The following DCX variants were observed in gnomAD, a reference collection of about 807,000 sequenced individuals.
DCX encodes the protein neuronal migration protein doublecortin.
Under a neutral mutation model 20.9 loss-of-function variants are expected in DCX, and 4 were observed. The ratio of observed to expected loss-of-function variants is 0.19; its 90% CI spans 0.09 to 0.44. The LOEUF is 0.44. Ranked by LOEUF, DCX falls within the 20% of genes least tolerant of loss-of-function variation. DCX has a pLI of 0.99. For missense variants in DCX, 133 were observed against 296.9 expected, an observed-to-expected ratio of 0.45 and a Z score of 4.06; for synonymous variants, 103 against 111.4, an observed-to-expected ratio of 0.92 and a Z score of 0.47.
chrX:111,407,799 TACGC>T (rs1928316702), intron 2 of DCX, among the ~76,000 whole-genome samples: 1 of 53,788 alleles, frequency 1.9e-5, no homozygotes, highest in African/African-American at 6.2e-5. Flanking sequence ...GATACATCAA[TACGC>T]ACACACACAC....
intron 3 of DCX, among the ~76,000 whole-genome samples, chrX:111,387,684 C>A (rs963297084): frequency 2.7e-5 from 3 of 111,707 alleles, no homozygotes; most frequent in Non-Finnish European, 5.6e-5. Context: ...GTGAGTAAGA[C>A]CAGAAATGTT....
intron 2 of DCX, 82 bp from the exon 3 acceptor site, chrX:111,401,412 AC>A (rs1927783941): frequency 1.1e-6 from 1 of 872,476 alleles, no homozygotes; most frequent in Non-Finnish European, 1.7e-6. Flanking sequence ...ACACACTGAC[AC>A]TGGAGTAGAA....
At position 111,295,513 on chromosome X, in the gene DCX, G is replaced by C. The variant is rs1202343432; in HGVS notation, c.*6174C>G. On this transcript the variant is annotated 3_prime_UTR_variant, in exon 7 of 7. Transcript: ENST00000636035. ...GCCCCAAACAAGATTATTATAGAGA[G>C]TTTAATGTGTAATGGTAAAACTTTA... 1 of 112,148 alleles carries C rather than the reference G, an allele frequency of 8.9e-6. No homozygotes were observed. The highest frequency in any genetic ancestry group is 2.8e-4 in the East Asian group (1 of 3,595). 9.2% of individuals were successfully genotyped at this position (112,148 alleles called of 1,213,427 possible).
chrX:111,385,789 G>GAAGC (rs1926429487), intron 3 of DCX, among the ~76,000 whole-genome samples: 1 of 41,500 alleles, frequency 2.4e-5, no homozygotes, highest in African/African-American at 1.3e-4. Flanking sequence ...GGGAGGGAAG[G>GAAGC]AAGGAAGGAA....
chrX:111,402,810 TGTGTGTGTGTGC>T (rs1334963857), intron 2 of DCX, among the ~76,000 whole-genome samples: 3 of 49,103 alleles, frequency 6.1e-5, no homozygotes, highest in South Asian at 1.3e-3. Flanking sequence ...TGTGTGTGTG[TGTGTGTGTGTGC>T]GGAGGGGGAG....
intron 5 of DCX, 122 bp downstream of exon 5, chrX:111,330,782 T>C: frequency 9.8e-7 from 1 of 1,022,081 alleles, no homozygotes; most frequent in Non-Finnish European, 1.4e-6. Context: ...AGTCCCTGAA[T>C]TGATAGAATA....
At chrX:111,315,138 A>G (rs1421089940) in intron 5 of DCX, among the ~76,000 whole-genome samples, 2 of 109,192 alleles carry the variant, frequency 1.8e-5, no homozygotes, top group African/African-American at 6.9e-5. Context: ...TGATTTTTGT[A>G]TAAGGTGTAA....
At chrX:111,320,843 A>T (rs6642887) in intron 5 of DCX, among the ~76,000 whole-genome samples, 364 of 104,778 alleles carry the variant, frequency 3.5e-3, no homozygotes, top group Admixed American at 5.6e-3. Flanking sequence ...TCTCTCTCTC[A>T]CACACACACA....
chrX:111,395,486 TAC>T (rs1883394784), intron 3 of DCX, among the ~76,000 whole-genome samples: 1 of 112,465 alleles, frequency 8.9e-6, no homozygotes, highest in Admixed American at 9.4e-5. Flanking sequence ...ATCACCAGGC[TAC>T]ACTTAGTCTT....
At chrX:111,394,135 C>T (rs1394727997) in intron 3 of DCX, among the ~76,000 whole-genome samples, 1 of 111,820 alleles carries the variant, frequency 8.9e-6, no homozygotes, top group African/African-American at 3.2e-5. Flanking sequence ...GTGGTAAATC[C>T]ATACAATAGA....
intron 5 of DCX, among the ~76,000 whole-genome samples, chrX:111,324,016 G>C (rs922176307): frequency 9.0e-6 from 1 of 111,670 alleles, no homozygotes; most frequent in African/African-American, 3.2e-5. Flanking sequence ...AATAGCACCA[G>C]GGTGTTGAAC....
In DCX at chrX:111,299,735, G is replaced by A. The variant is rs747136786; in HGVS notation, c.*1952C>T. 9.0e-6 allele frequency: 1 copy of A among 111,385 alleles called. No individual in the cohort carries two copies. Among genetic ancestry groups the A allele is most frequent in the East Asian group, 2.8e-4 (1 of 3,541 alleles). The allele number at this position is 111,385 out of a possible 1,213,427, so 9.2% of individuals were successfully genotyped here. ...AATGGGTCTACAAAAAAAGGAGAGG[G>A]GGCAAAAAGAGATCCTCATCATTTG... On this transcript the variant is annotated 3_prime_UTR_variant, in exon 7 of 7. Transcript: ENST00000636035.
At chrX:111,398,027 C>T (rs973067132) in intron 3 of DCX, among the ~76,000 whole-genome samples, 1 of 110,619 alleles carries the variant, frequency 9.0e-6, no homozygotes, top group African/African-American at 3.3e-5. Context: ...TATTTGCCCA[C>T]AGAATTCTCT....
rs141679627 is a variant in DCX, at chrX:111,401,754, C to T, written c.365-424G>A. Among the ~76,000 whole-genome samples, 10 of 108,829 alleles carry T rather than the reference C, an allele frequency of 9.2e-5. No individual in the cohort carries two copies. In the East Asian group the frequency reaches 2.8e-3, roughly 31 times the overall value. The allele number at this position is 108,829 out of a possible 115,157, so 94.5% of individuals were successfully genotyped here. On this transcript the variant is annotated intron_variant, in intron 2 of 6. Coordinates refer to ENST00000636035, the MANE Select transcript of DCX (RefSeq NM_001195553.2). ...CTGTCCTATTTTTGGACTCAAAGTC[C>T]CATCCCTTTGTGATATTATGAACCA...
At chrX:111,371,529 A>T (rs1274620752) in intron 3 of DCX, among the ~76,000 whole-genome samples, 1 of 111,908 alleles carries the variant, frequency 8.9e-6, no homozygotes. Flanking sequence ...TCAATAAAAT[A>T]GGAATCATAA....
intron 3 of DCX, among the ~76,000 whole-genome samples, chrX:111,372,965 G>T (rs1925221560): frequency 9.0e-6 from 1 of 110,980 alleles, no homozygotes. Context: ...AGGGGATATC[G>T]CTGGCAATTT....
Position 111,295,367 on chromosome X carries a change from A to G in DCX, c.*6320T>C, listed in dbSNP as rs1471813981. ...TAAATGTTTAGGTGACTCAGAAGGA[A>G]AAAATACATGTCAATTAAGCAAATG... On this transcript the variant is annotated 3_prime_UTR_variant, in exon 7 of 7. Coordinates refer to ENST00000636035, the MANE Select transcript of DCX (RefSeq NM_001195553.2). The G allele has an allele frequency of 8.9e-6, 1 of 112,123 alleles. No homozygotes were observed. Among genetic ancestry groups the G allele is most frequent in the East Asian group, 2.8e-4 (1 of 3,584 alleles). The allele number at this position is 112,123 out of a possible 1,213,427, so 9.2% of individuals were successfully genotyped here. A position where few individuals can be genotyped will look rare whatever the true frequency, so the allele number is the denominator to read the frequency against.
chrX:111,316,095 A>AAT (rs1556369852), intron 5 of DCX, among the ~76,000 whole-genome samples: 49 of 100,227 alleles, frequency 4.9e-4, no homozygotes, highest in Non-Finnish European at 9.4e-4. Flanking sequence ...ATAAAAAAAA[A>AAT]AAAAAAAAAA....
At chrX:111,348,242 A>G (rs1923001229) in intron 3 of DCX, among the ~76,000 whole-genome samples, 1 of 112,135 alleles carries the variant, frequency 8.9e-6, no homozygotes, top group Non-Finnish European at 1.9e-5. Context: ...CAGGTAAGGA[A>G]AAACAGCAGG....
Sources: gnomAD v4.1 joint callset for allele counts (sites outside exome capture counted in the v4.1 genomes callset) on GRCh38, gnomAD v4.1.1 for gene constraint, MANE v1.5 for transcripts, NCBI Gene and HGNC (gene_info 2026-07-23, HGNC 2026-07-21) for gene names.